ANK2: variants seen among roughly 807,000 people sequenced by gnomAD.
ANK2 encodes the protein ankyrin-2.
A neutral mutation model predicts 360.5 loss-of-function variants in ANK2; 83 were observed. The observed-to-expected ratio is 0.23, with a 90% CI of 0.19 to 0.28. The LOEUF (loss-of-function observed/expected upper bound fraction) is 0.28. Ranked by LOEUF, ANK2 falls within the 10% of genes least tolerant of loss-of-function variation. ANK2 has a pLI of 1.00. For missense variants in ANK2, 4,201 were observed against 4,795.7 expected (o/e 0.88, Z 3.66); for synonymous variants, 1,740 against 1,759.5 (o/e 0.99, Z 0.28).
intron 2 of ANK2, among the ~76,000 whole-genome samples, chr4:112,910,937 G>T (rs1227187249): frequency 2.7e-5 from 4 of 147,500 alleles, no homozygotes; most frequent in Non-Finnish European, 4.5e-5. Context: ...ATAATTTGAA[G>T]ACTTTTGTTT....
chr4:113,114,269 A>G (rs1396819877), intron 1 of ANK2, among the ~76,000 whole-genome samples: 1 of 152,060 alleles, frequency 6.6e-6, no homozygotes, highest in East Asian at 1.9e-4. Context: ...AGATACCTGG[A>G]AAAAATTATT....
chr4:112,887,379 G>A (rs1421428285), intron 1 of ANK2, among the ~76,000 whole-genome samples: 2 of 152,180 alleles, frequency 1.3e-5, no homozygotes, highest in East Asian at 1.9e-4. Context: ...TTCTGAGCAC[G>A]TTTGAGATTG....
At chr4:113,061,018 G>A (rs1034295987) in intron 1 of ANK2, among the ~76,000 whole-genome samples, 1 of 152,052 alleles carries the variant, frequency 6.6e-6, no homozygotes, top group Non-Finnish European at 1.5e-5. Context: ...ACACAGCAGG[G>A]ACCTCTTTCC....
intron 26 of ANK2, among the ~76,000 whole-genome samples, chr4:113,326,279 T>C (rs974655603): frequency 4.6e-5 from 7 of 152,206 alleles, no homozygotes; most frequent in Non-Finnish European, 7.4e-5. Flanking sequence ...AATTTTATAT[T>C]ATCAACTGTT....
rs957048917 is a variant in ANK2 at position 113,237,121 on chromosome 4, A to G, written c.618A>G (p.Lys206=). 17 of 1,614,040 alleles carry G rather than the reference A, an allele frequency of 1.1e-5. No individual in the cohort carries two copies. Among genetic ancestry groups the G allele is most frequent in the Non-Finnish European group, 1.4e-5 (16 of 1,180,024 alleles). The change falls in exon 6 of 46, where the codon AAA becomes AAG. Residue 206 remains lysine (K), a synonymous_variant. Coordinates refer to ENST00000357077, the MANE Select transcript of ANK2 (RefSeq NM_001148.6). The stretch of plus-strand genomic sequence containing the variant: ...TTGCCGCTAGGAAAGACGACACCAA[A>G]TCTGCCGCACTTCTGCTTCAGAATG... ...LHIAARKDDT[K]SAALLLQNDH...
chr4:113,256,075 C>CT, intron 11 of ANK2, 143 bp downstream of exon 11: 1 of 998,320 alleles, frequency 1.0e-6, no homozygotes. Flanking sequence ...CACAATCAGC[C>CT]TGTGTACTTC....
At chr4:112,760,775 G>A in the ANK2 span, among the ~76,000 whole-genome samples, 1 of 149,460 alleles carries the variant, frequency 6.7e-6, no homozygotes, top group Non-Finnish European at 1.5e-5. Context: ...TCAAAAGTCC[G>A]TTAAGTGGTT....
chr4:113,029,778 G>A (rs968482785), intron 2 of ANK2, among the ~76,000 whole-genome samples: 2 of 151,880 alleles, frequency 1.3e-5, no homozygotes, highest in Admixed American at 6.6e-5. Flanking sequence ...TTATCTCGAC[G>A]GCCAAAAACA....
chr4:113,011,566 A>G (rs2054744256), intron 2 of ANK2, among the ~76,000 whole-genome samples: 1 of 152,098 alleles, frequency 6.6e-6, no homozygotes, highest in Admixed American at 6.5e-5. Context: ...GTCGTTAATC[A>G]TGAAAAAGTA....
intron 2 of ANK2, among the ~76,000 whole-genome samples, chr4:112,946,090 G>A (rs2094524828): frequency 6.6e-6 from 1 of 152,180 alleles, no homozygotes; most frequent in Non-Finnish European, 1.5e-5. Flanking sequence ...TTAAATTAGT[G>A]ATTTTCTGGG....
At chr4:113,027,950 A>T (rs1561597782) in intron 2 of ANK2, among the ~76,000 whole-genome samples, 1 of 152,106 alleles carries the variant, frequency 6.6e-6, no homozygotes, top group South Asian at 2.1e-4. Context: ...GCAAAATAAG[A>T]TGGTGTAAAA....
intron 1 of ANK2, among the ~76,000 whole-genome samples, chr4:112,831,302 C>T (rs12503408): frequency 0.73 from 110,824 of 152,064 alleles, 41,282 homozygotes; most frequent in East Asian, 0.97. Context: ...AACTTTTATG[C>T]CTAGCTAAAG....
chr4:112,728,165 C>T, the ANK2 span, among the ~76,000 whole-genome samples: 1 of 148,958 alleles, frequency 6.7e-6, no homozygotes, highest in Non-Finnish European at 1.5e-5. Context: ...TGGTGGCAGG[C>T]GACTGTAGTC....
At chr4:113,197,943 A>G (rs2098773562) in intron 3 of ANK2, among the ~76,000 whole-genome samples, 1 of 152,190 alleles carries the variant, frequency 6.6e-6, no homozygotes, top group Non-Finnish European at 1.5e-5. Flanking sequence ...CTGTAGCAAG[A>G]GGAGCACTCA....
At position 113,356,422 on chromosome 4, in the gene ANK2, G is replaced by A; in HGVS notation, c.7804G>A (p.Glu2602Lys). The change falls in exon 38 of 46, where the codon GAA becomes AAA. Residue 2602 changes from glutamate to lysine, a missense_variant. Physicochemically the swap from Glu to Lys is moderately conservative, Grantham distance 56 (BLOSUM62 1). This residue lies in a region of ANK2 where 2,642 missense variants were observed against 2,714.5 expected (regional missense o/e 0.97). Coordinates refer to ENST00000357077, the MANE Select transcript of ANK2 (RefSeq NM_001148.6). ...VTKIKMFDELEQEAKQKRDYK... is the reference protein window; with the variant it reads ...VTKIKMFDELKQEAKQKRDYK... ...CAAAATCAAAATGTTTGATGAACTT[G>A]AACAAGAAGCAAAGCAGAAAAGGGA... is the stretch of plus-strand genomic sequence containing the variant. 6.2e-7 allele frequency: 1 copy of A among 1,614,080 alleles called. No homozygotes were observed. The highest frequency in any genetic ancestry group is 8.5e-7 in the Non-Finnish European group (1 of 1,179,980).
intron 1 of ANK2, among the ~76,000 whole-genome samples, chr4:112,876,630 T>A (rs1263352623): frequency 6.6e-6 from 1 of 152,164 alleles, no homozygotes; most frequent in Non-Finnish European, 1.5e-5. Flanking sequence ...TGGTAAGGCA[T>A]TTGCTGCTTG....
At chr4:113,047,995 CAG>C (rs2065127159), upstream of ANK2, among the ~76,000 whole-genome samples, 1 of 151,892 alleles carries the variant, frequency 6.6e-6, no homozygotes, top group South Asian at 2.1e-4. Flanking sequence ...GGTACACTTT[CAG>C]AGTTGAAAAC....
At chr4:113,341,279 G>C (rs1228154810) in intron 32 of ANK2, among the ~76,000 whole-genome samples, 1 of 152,088 alleles carries the variant, frequency 6.6e-6, no homozygotes, top group Non-Finnish European at 1.5e-5. Context: ...AGGGAGGGGG[G>C]ATCAAGGAAA....
rs115633266 is a variant in ANK2, at chr4:112,959,664, A to G, written c.21+55150A>G. On this transcript the variant is annotated intron_variant, in intron 2 of 30. Coordinates refer to the ANK2 transcript ENST00000503271. ...CAGAATTCCTACCTTAAATGTATTG[A>G]TGTGTAGGAATATATGTATACTCAA... Among the ~76,000 whole-genome samples the G allele has an allele frequency of 9.6e-3, 1,466 of 152,246 alleles. 27 individuals are homozygous for G. Among genetic ancestry groups the G allele is most frequent in the African/African-American group, 0.034 (1,408 of 41,530 alleles).
Sources: allele counts gnomAD v4.1 joint callset (sites outside exome capture counted in the v4.1 genomes callset), GRCh38; gene constraint gnomAD v4.1.1; regional missense constraint gnomAD v4.1.1; transcripts MANE v1.5; gene names NCBI Gene and HGNC (gene_info 2026-07-23, HGNC 2026-07-21).